Variants in USP43 observed in about 807,000 individuals in gnomAD.
USP43 encodes ubiquitin carboxyl-terminal hydrolase 43.
A neutral mutation model predicts 90.7 loss-of-function variants in USP43; 33 were observed. The ratio of observed to expected loss-of-function variants is 0.36; its 90% confidence interval spans 0.28 to 0.49. USP43 has a LOEUF of 0.49. Among genes scored for constraint, USP43 ranks in the 20% least tolerant of loss-of-function variants. The probability of loss-of-function intolerance (pLI) is 0.98; values close to 1 mark genes in which losing one functional copy is unlikely to be tolerated. For synonymous variants in USP43, 598 were observed against 615.8 expected (o/e 0.97, Z 0.43); for missense variants, 1,274 against 1,476.4 (o/e 0.86, Z 2.25).
At chr17:9,668,736 T>A (rs1043641728) in intron 3 of USP43, among the ~76,000 whole-genome samples, 2 of 152,168 alleles carry the variant, frequency 1.3e-5, no homozygotes, top group African/African-American at 4.8e-5. Flanking sequence ...TCCTGAGGGA[T>A]GTGGTAACTC....
In USP43 at chr17:9,729,284, A is replaced by T. The variant is rs1437344248; in HGVS notation, c.*294A>T. On this transcript the variant is annotated 3_prime_UTR_variant, in exon 15 of 15. Transcript: ENST00000285199. ...TTCAGGGCAAGAACTGATATTTACT[A>T]AAGAGTTTTGGATGTGGGCAAACAA... 4.4e-6 allele frequency: 1 copy of T among 226,788 alleles called. No homozygotes were observed. The highest frequency in any genetic ancestry group is 9.4e-5 in the East Asian group (1 of 10,624). The allele number at this position is 226,788 out of a possible 1,614,324, so 14.0% of individuals were successfully genotyped here.
At chr17:9,668,688 A>C (rs1307596648) in intron 3 of USP43, among the ~76,000 whole-genome samples, 1 of 152,190 alleles carries the variant, frequency 6.6e-6, no homozygotes, top group East Asian at 1.9e-4. Context: ...CTATGAGCTC[A>C]GATTTCTCTG....
At position 9,674,754 on chromosome 17, in the gene USP43, T is replaced by C. The variant is rs1290162587; in HGVS notation, c.741-137T>C. 3 of 736,028 alleles carry C rather than the reference T, an allele frequency of 4.1e-6. No individual in the cohort carries two copies. The highest frequency in any genetic ancestry group is 7.2e-6 in the Non-Finnish European group (3 of 415,862). 45.6% of individuals were successfully genotyped at this position (736,028 alleles called of 1,614,324 possible). On this transcript the variant is annotated intron_variant, in intron 3 of 14. Transcript: ENST00000285199. The surrounding 1 kb of genome is among the most constrained non-coding windows in gnomAD (Gnocchi z 4.4). Reference sequence around the variant, plus strand: ...ACTTGTGTACAAGTATTTGAACACCTGTTCTCAATTCTTCTGGGTATGTAC... The same window carrying C: ...ACTTGTGTACAAGTATTTGAACACCCGTTCTCAATTCTTCTGGGTATGTAC...
In USP43 at chr17:9,728,672, A is replaced by G. The variant is rs1917411641; in HGVS notation, c.3054A>G (p.Pro1018=). The G allele has an allele frequency of 6.2e-7, 1 of 1,613,172 alleles. No homozygotes were observed. ...GGAATGAGAGGGCAGAGGTCTCTCC[A>G]CAGGTGCCCCCCGTCTCCCTGGTGA... ...NRRNERAEVS[P]QVPPVSLVSG... The change falls in exon 15 of 15, where the codon CCA becomes CCG. Residue 1018 remains proline (P), a synonymous_variant. Coordinates refer to ENST00000285199, the MANE Select transcript of USP43 (RefSeq NM_153210.5). The surrounding 1 kb of genome is among the most constrained non-coding windows in gnomAD (Gnocchi z 6.2).
chr17:9,673,233 G>A lies in USP43; in HGVS notation c.741-1658G>A, dbSNP rs185575674. On this transcript the variant is annotated intron_variant, in intron 3 of 14. Coordinates refer to ENST00000285199, the MANE Select transcript of USP43 (RefSeq NM_153210.5). The stretch of plus-strand genomic sequence containing the variant: ...TATAAAAGTTGCATTTCAGCCGGGG[G>A]CAGTGGCTCACGCCTGTAATCCCAG... Among the ~76,000 whole-genome samples the A allele has an allele frequency of 1.7e-4, 26 of 152,294 alleles. No individual in the cohort carries two copies. In the East Asian group the frequency reaches 4.6e-3, roughly 27 times the overall value.
At position 9,687,222 on chromosome 17, in the gene USP43, A is replaced by AT. The variant is rs1288841662; in HGVS notation, c.1353+317dup. Among the ~76,000 whole-genome samples, 5 of 151,966 alleles carry AT rather than the reference A, an allele frequency of 3.3e-5. No individual in the cohort carries two copies. The East Asian group carries it at 9.7e-4, about 29-fold the overall frequency. ...ATTAAAACGAAATTTTTTTTTTCACATTTTCCATCATTCCCTAAGCATTTA... is the reference window on the plus strand; with the variant it reads ...ATTAAAACGAAATTTTTTTTTTCACATTTTTCCATCATTCCCTAAGCATTTA... On this transcript the variant is annotated intron_variant, in intron 8 of 14. Coordinates refer to ENST00000285199, the MANE Select transcript of USP43 (RefSeq NM_153210.5).
chr17:9,711,969 C>A lies in USP43; in HGVS notation c.2172C>A (p.Gly724=), dbSNP rs1916222286. Residue 724 remains glycine (G), a splice_region_variant and synonymous_variant, in exon 14 of 15, where the codon GGC becomes GGA. Coordinates refer to ENST00000285199, the MANE Select transcript of USP43 (RefSeq NM_153210.5). ...PPWSASSSMR[G]STSSSLSDHW... ...TCCCTCTCTGTGTTTCCTCCACAGG[C>A]TCTACCAGCTCCTCCCTGTCTGATC... 1 of 1,601,960 alleles carries A rather than the reference C, an allele frequency of 6.2e-7. No individual in the cohort carries two copies. The highest frequency in any genetic ancestry group is 8.5e-7 in the Non-Finnish European group (1 of 1,173,940).
At chr17:9,714,219 A>G (rs1916360951) in intron 14 of USP43, among the ~76,000 whole-genome samples, 1 of 152,156 alleles carries the variant, frequency 6.6e-6, no homozygotes. Context: ...CTGTGGCCCG[A>G]TTCCTAACAG....
chr17:9,689,912 G>A (rs1914832265), intron 8 of USP43, among the ~76,000 whole-genome samples: 1 of 152,108 alleles, frequency 6.6e-6, no homozygotes, highest in South Asian at 2.1e-4. Context: ...TTCTCCTTAG[G>A]GAGAATACCC....
At position 9,701,145 on chromosome 17, in the gene USP43, G is replaced by A. The variant is rs780591864; in HGVS notation, c.1562G>A (p.Arg521Gln). 39 of 1,494,772 alleles carry A rather than the reference G, an allele frequency of 2.6e-5. No homozygotes were observed. The highest frequency in any genetic ancestry group is 4.6e-5 in the Admixed American group (2 of 43,276). The allele number at this position is 1,494,772 out of a possible 1,614,324, so 92.6% of individuals were successfully genotyped here. A position where few individuals can be genotyped will look rare whatever the true frequency, so the allele number is the denominator to read the frequency against. Residue 521 changes from arginine to glutamine, a missense_variant, in exon 11 of 15, where the codon CGA becomes CAA. Arg to Gln is a conservative substitution (Grantham distance 43, BLOSUM62 1). Coordinates refer to ENST00000285199, the MANE Select transcript of USP43 (RefSeq NM_153210.5). This position sits in a 1 kb window ranked among gnomAD's most constrained non-coding sequence, Gnocchi z 7.2. ...CTGTTCGGGAGCCTCCAGGAGGAGCGAGCGCAGGATGCCGACAGTGTGTGG... is the reference window on the plus strand; with the variant it reads ...CTGTTCGGGAGCCTCCAGGAGGAGCAAGCGCAGGATGCCGACAGTGTGTGG... ...ERLFGSLQEE[R>Q]AQDADSVWQQ...
At chr17:9,689,259 A>G (rs957961079) in intron 8 of USP43, among the ~76,000 whole-genome samples, 15 of 152,328 alleles carry the variant, frequency 9.8e-5, no homozygotes, top group African/African-American at 3.6e-4. Context: ...CTCAACATTG[A>G]ACTGAAGAGA....
intron 7 of USP43, among the ~76,000 whole-genome samples, chr17:9,683,817 C>G (rs574799316): frequency 6.6e-6 from 1 of 152,044 alleles, no homozygotes; most frequent in Non-Finnish European, 1.5e-5. Flanking sequence ...ACTTTTTACT[C>G]CTGCTATGAA....
rs995489477 is a variant in USP43, at chr17:9,645,848, C to A, written c.216C>A (p.Pro72=). The A allele has an allele frequency of 1.4e-6, 2 of 1,408,540 alleles. No individual in the cohort carries two copies. The highest frequency in any genetic ancestry group is 1.8e-6 in the Non-Finnish European group (2 of 1,087,364). The allele number at this position is 1,408,540 out of a possible 1,614,324, so 87.3% of individuals were successfully genotyped here. Residue 72 remains proline (P), a synonymous_variant, in exon 1 of 15, where the codon CCC becomes CCA. Transcript: ENST00000285199. The surrounding 1 kb of genome is among the most constrained non-coding windows in gnomAD (Gnocchi z 6.8). ...ACAPGPVPAA[P]GSPGEERPPG... ...CCCCGGGCCCAGTTCCAGCGGCCCC[C>A]GGGAGCCCCGGGGAGGAACGCCCGC...
intron 12 of USP43, among the ~76,000 whole-genome samples, chr17:9,707,300 A>G (rs1348193365): frequency 6.6e-6 from 1 of 152,134 alleles, no homozygotes; most frequent in East Asian, 1.9e-4. Flanking sequence ...TAAATTTACT[A>G]CATGTGATAT....
intron 14 of USP43, among the ~76,000 whole-genome samples, chr17:9,714,735 A>G (rs1597886577): frequency 6.6e-6 from 1 of 151,914 alleles, no homozygotes; most frequent in Non-Finnish European, 1.5e-5. Flanking sequence ...GGGCTCTCCA[A>G]CATCTAAGGG....
chr17:9,686,322 TAA>T lies in USP43; in HGVS notation c.1242-474_1242-473del, dbSNP rs1217405111. ...TTGACATGATGATCTTTCCTTTGGATAAATACCCAGTAGTGGGATGGCTGGGT... is the reference window on the plus strand; with the variant it reads ...TTGACATGATGATCTTTCCTTTGGATATACCCAGTAGTGGGATGGCTGGGT... On this transcript the variant is annotated intron_variant, in intron 7 of 14. Coordinates refer to ENST00000285199, the MANE Select transcript of USP43 (RefSeq NM_153210.5). The surrounding 1 kb of genome is among the most constrained non-coding windows in gnomAD (Gnocchi z 5.5). 1.3e-5 allele frequency among the ~76,000 whole-genome samples: 2 copies of T among 152,196 alleles called. No individual in the cohort carries two copies. Among genetic ancestry groups the T allele is most frequent in the Admixed American group, 1.3e-4 (2 of 15,274 alleles).
intron 3 of USP43, among the ~76,000 whole-genome samples, chr17:9,672,206 G>A (rs60010575): frequency 0.02 from 3,073 of 152,108 alleles, 67 homozygotes; most frequent in African/African-American, 0.058. Flanking sequence ...CATGTTGACC[G>A]GGTTGGTCTC....
intron 2 of USP43, among the ~76,000 whole-genome samples, chr17:9,659,341 A>G (rs969932512): frequency 2.0e-5 from 3 of 152,228 alleles, no homozygotes; most frequent in Non-Finnish European, 4.4e-5. Flanking sequence ...ATGCTTTACT[A>G]TTATAAGGAT....
intron 8 of USP43, among the ~76,000 whole-genome samples, chr17:9,690,529 T>C (rs959866727): frequency 2.6e-5 from 4 of 152,194 alleles, no homozygotes; most frequent in African/African-American, 9.7e-5. Context: ...GATTTTTTCA[T>C]CATCAACAAA....
Sources: allele counts gnomAD v4.1 joint callset (sites outside exome capture counted in the v4.1 genomes callset), GRCh38; gene constraint gnomAD v4.1.1; non-coding constraint Gnocchi (gnomAD v3.1); transcripts MANE v1.5; gene names NCBI Gene and HGNC (gene_info 2026-07-23, HGNC 2026-07-21).